SEMA3A: variants seen among roughly 807,000 people sequenced by gnomAD.
The protein encoded by SEMA3A is semaphorin-3A.
In SEMA3A, 29 loss-of-function variants were observed where a neutral mutation model predicts 97.9. That is an observed-to-expected ratio of 0.30 (90% CI 0.22 to 0.40). The LOEUF is 0.40. SEMA3A is among the 10% of genes least tolerant of loss of function. SEMA3A has a pLI of 1.00. For synonymous variants in SEMA3A, 321 were observed against 323.7 expected (o/e 0.99, Z 0.09); for missense variants, 763 against 951.3 (o/e 0.80, Z 2.60).
rs1319654981 is a variant in SEMA3A, at chr7:83,955,956, AAAAG to A, written c.*5411_*5414del. Reference sequence around the variant, plus strand: ...TATATACAAGTATAGTGTTTAGATTAAAAGAAAGAAAATCCATTCTTTTGTTATA... The same window carrying A: ...TATATACAAGTATAGTGTTTAGATTAAAAGAAAATCCATTCTTTTGTTATA... On this transcript the variant is annotated 3_prime_UTR_variant, in exon 17 of 17. Coordinates refer to ENST00000265362, the MANE Select transcript of SEMA3A (RefSeq NM_006080.3). 6.6e-6 allele frequency: 1 copy of A among 152,186 alleles called. No homozygotes were observed. The highest frequency in any genetic ancestry group is 1.9e-4 in the East Asian group (1 of 5,196). 9.4% of individuals were successfully genotyped at this position (152,186 alleles called of 1,614,324 possible). A position where few individuals can be genotyped will look rare whatever the true frequency, so the allele number is the denominator to read the frequency against.
chr7:84,154,917 A>AT (rs917789402), intron 1 of SEMA3A, among the ~76,000 whole-genome samples: 9 of 151,990 alleles, frequency 5.9e-5, no homozygotes, highest in Non-Finnish European at 1.2e-4. Context: ...ATATCAATAT[A>AT]TTTTTGGTCA....
chr7:84,412,083 C>T (rs1244847283), intron 1 of SEMA3A, among the ~76,000 whole-genome samples: 1 of 152,088 alleles, frequency 6.6e-6, no homozygotes, highest in African/African-American at 2.4e-5. Flanking sequence ...TCCTAGATGC[C>T]ATTTATGACA....
chr7:84,341,589 A>T (rs1802169221), intron 2 of SEMA3A, among the ~76,000 whole-genome samples: 1 of 152,004 alleles, frequency 6.6e-6, no homozygotes, highest in Non-Finnish European at 1.5e-5. Flanking sequence ...TCCTGTGGAT[A>T]ATACTTCCTG....
At chr7:84,041,718 T>G (rs1052392921) in intron 6 of SEMA3A, among the ~76,000 whole-genome samples, 7 of 152,118 alleles carry the variant, frequency 4.6e-5, no homozygotes, top group African/African-American at 1.7e-4. Flanking sequence ...GGACCTTTGT[T>G]GTTGCTGTTG....
rs112040434 is a variant in SEMA3A at position 84,295,735 on chromosome 7, GT to G, written c.-83+11471del. ...TCAAGCCAAAGTTTAAAAAATGATT[GT>G]TTTTCAACTACATTTTGTACCTCTT... is the stretch of plus-strand genomic sequence containing the variant. On this transcript the variant is annotated intron_variant, in intron 3 of 3. Transcript: ENST00000424555. Among the ~76,000 whole-genome samples, 5 of 151,824 alleles carry G rather than the reference GT, an allele frequency of 3.3e-5. 1 individual carries two copies. The highest frequency in any genetic ancestry group is 1.2e-4 in the African/African-American group (5 of 41,436).
chr7:83,989,947 A>G (rs1488459663), intron 12 of SEMA3A, among the ~76,000 whole-genome samples: 7 of 151,828 alleles, frequency 4.6e-5, no homozygotes, highest in African/African-American at 1.5e-4. Context: ...GTGTAAAAGT[A>G]TTCCTATTTC....
chr7:84,372,234 T>G (rs2116105557), intron 1 of SEMA3A: 1 of 152,194 alleles, frequency 6.6e-6, no homozygotes, highest in Non-Finnish European at 1.5e-5. Context: ...CAAAATCTGT[T>G]CGCCCTCTTA....
intron 1 of SEMA3A, among the ~76,000 whole-genome samples, chr7:84,388,209 G>A (rs1256328874): frequency 6.6e-6 from 1 of 151,986 alleles, no homozygotes; most frequent in Non-Finnish European, 1.5e-5. Flanking sequence ...GCTCATATAA[G>A]AAACATGAGC....
At chr7:84,366,392 A>C (rs2116084172) in intron 2 of SEMA3A, among the ~76,000 whole-genome samples, 1 of 151,568 alleles carries the variant, frequency 6.6e-6, no homozygotes, top group African/African-American at 2.4e-5. Context: ...ACAAATAATT[A>C]CAATTGTAAT....
chr7:84,479,591 T>C (rs898903783), intron 1 of SEMA3A, among the ~76,000 whole-genome samples: 1 of 152,158 alleles, frequency 6.6e-6, no homozygotes, highest in African/African-American at 2.4e-5. Context: ...AGACATGCTA[T>C]AGAATTCAGA....
intron 1 of SEMA3A, among the ~76,000 whole-genome samples, chr7:84,442,095 TA>T (rs752239473): frequency 1.2e-4 from 18 of 152,156 alleles, no homozygotes; most frequent in Non-Finnish European, 2.4e-4. Flanking sequence ...TGGGCAATTA[TA>T]AAATATAGTA....
chr7:84,277,704 G>A (rs115708764), intron 3 of SEMA3A, among the ~76,000 whole-genome samples: 1 of 152,050 alleles, frequency 6.6e-6, no homozygotes. Flanking sequence ...TTCAGGGGGG[G>A]CCTCAGGAAA....
At chr7:83,998,203 G>C (rs894468231) in intron 12 of SEMA3A, among the ~76,000 whole-genome samples, 1 of 151,980 alleles carries the variant, frequency 6.6e-6, no homozygotes, top group Non-Finnish European at 1.5e-5. Context: ...GCATCATTAT[G>C]TGATTTTGTC....
At chr7:84,379,738 C>T (rs891272906) in intron 1 of SEMA3A, among the ~76,000 whole-genome samples, 3 of 152,146 alleles carry the variant, frequency 2.0e-5, no homozygotes, top group Admixed American at 6.5e-5. Context: ...CTTTGTTCAT[C>T]GAAATTAATA....
chr7:84,460,481 A>G (rs1440412572), intron 1 of SEMA3A, among the ~76,000 whole-genome samples: 1 of 152,150 alleles, frequency 6.6e-6, no homozygotes, highest in African/African-American at 2.4e-5. Flanking sequence ...AAAGGTTATT[A>G]TGTATCTATT....
intron 4 of SEMA3A, among the ~76,000 whole-genome samples, chr7:84,067,114 G>A (rs975129704): frequency 3.9e-5 from 6 of 152,078 alleles, no homozygotes; most frequent in East Asian, 3.9e-4. Context: ...CAGAAATAAC[G>A]CTGCATATCT....
intron 1 of SEMA3A, among the ~76,000 whole-genome samples, chr7:84,418,481 G>A (rs968555722): frequency 1.3e-5 from 2 of 152,066 alleles, no homozygotes; most frequent in Admixed American, 6.6e-5. Flanking sequence ...TTCAAGATGA[G>A]ATTTGAGTGG....
At chr7:84,343,933 G>A (rs759781024) in intron 2 of SEMA3A, among the ~76,000 whole-genome samples, 7 of 151,882 alleles carry the variant, frequency 4.6e-5, no homozygotes, top group Non-Finnish European at 1.0e-4. Flanking sequence ...TTGATCCCAG[G>A]AGACTGAGGC....
intron 3 of SEMA3A, among the ~76,000 whole-genome samples, chr7:84,304,282 T>G (rs891057500): frequency 6.6e-6 from 1 of 152,134 alleles, no homozygotes; most frequent in African/African-American, 2.4e-5. Context: ...AAGGGCTGAA[T>G]AGTAAATATC....
Sources: gnomAD v4.1 joint callset for allele counts (sites outside exome capture counted in the v4.1 genomes callset) on GRCh38, gnomAD v4.1.1 for gene constraint, MANE v1.5 for transcripts, NCBI Gene and HGNC (gene_info 2026-07-23, HGNC 2026-07-21) for gene names.